LRRTM4: variants seen among roughly 807,000 people sequenced by gnomAD.
LRRTM4 encodes leucine-rich repeat transmembrane neuronal protein 4.
A neutral mutation model predicts 47.6 loss-of-function variants in LRRTM4; 25 were observed. That is an observed-to-expected ratio of 0.53 (90% CI 0.38 to 0.73). The LOEUF (loss-of-function observed/expected upper bound fraction) is 0.73. Among genes scored for constraint, LRRTM4 ranks in the 30% least tolerant of loss-of-function variants. The pLI, the probability that LRRTM4 is intolerant of heterozygous loss-of-function variation, is 0.00. For missense variants in LRRTM4, 638 were observed against 713.4 expected (o/e 0.89, Z 1.20); for synonymous variants, 311 against 269.5 (o/e 1.15, Z -1.51).
At chr2:76,947,560 A>G (rs1160082073) in intron 3 of LRRTM4, among the ~76,000 whole-genome samples, 1 of 151,812 alleles carries the variant, frequency 6.6e-6, no homozygotes, top group Non-Finnish European at 1.5e-5. Flanking sequence ...CATCTTATCT[A>G]ACCCTTTTTT....
intron 3 of LRRTM4, among the ~76,000 whole-genome samples, chr2:76,870,334 C>T (rs1672587284): frequency 6.6e-6 from 1 of 152,106 alleles, no homozygotes; most frequent in African/African-American, 2.4e-5. Flanking sequence ...CTACAACCCT[C>T]CCTGGCATCT....
intron 3 of LRRTM4, among the ~76,000 whole-genome samples, chr2:77,463,439 A>G (rs768620474): frequency 2.6e-5 from 4 of 152,198 alleles, no homozygotes; most frequent in Non-Finnish European, 4.4e-5. Context: ...TACCCAGTAA[A>G]TCAAAATTTT....
intron 3 of LRRTM4, among the ~76,000 whole-genome samples, chr2:77,487,486 C>T (rs890802369): frequency 2.6e-4 from 40 of 152,190 alleles, no homozygotes; most frequent in Non-Finnish European, 5.0e-4. Flanking sequence ...TGGATTCCCA[C>T]GAACGCAGGA....
intron 3 of LRRTM4, among the ~76,000 whole-genome samples, chr2:76,783,634 AAATT>A (rs1558650312): frequency 6.6e-6 from 1 of 152,148 alleles, no homozygotes; most frequent in Admixed American, 6.5e-5. Flanking sequence ...CTAAACAAGG[AAATT>A]AATTGATTTA....
At chr2:76,992,919 G>A (rs1677061857) in intron 3 of LRRTM4, among the ~76,000 whole-genome samples, 1 of 149,800 alleles carries the variant, frequency 6.7e-6, no homozygotes, top group African/African-American at 2.4e-5. Context: ...CTGGTACAAA[G>A]AGAGACACTT....
chr2:77,516,825 CT>C (rs2104118463), intron 3 of LRRTM4: 1 of 983,896 alleles, frequency 1.0e-6, no homozygotes, highest in East Asian at 1.1e-4. Flanking sequence ...CCAAATTGTA[CT>C]GAGTTAGAGA....
intron 3 of LRRTM4, among the ~76,000 whole-genome samples, chr2:76,884,934 A>G (rs982503214): frequency 2.0e-5 from 3 of 152,276 alleles, no homozygotes; most frequent in African/African-American, 7.2e-5. Context: ...TTATGCCTTC[A>G]AAATGTTTTT....
intron 3 of LRRTM4, among the ~76,000 whole-genome samples, chr2:77,390,776 T>C (rs1013418423): frequency 2.0e-5 from 3 of 151,732 alleles, no homozygotes; most frequent in Non-Finnish European, 4.4e-5. Flanking sequence ...AAATAACTTA[T>C]TTTCATAAGT....
intron 3 of LRRTM4, among the ~76,000 whole-genome samples, chr2:76,906,394 G>C (rs1673840511): frequency 6.6e-6 from 1 of 152,046 alleles, no homozygotes; most frequent in South Asian, 2.1e-4. Context: ...GCAAAGTCAT[G>C]CCAAATTGTA....
chr2:77,211,259 C>A (rs56231027), intron 3 of LRRTM4, among the ~76,000 whole-genome samples: 9,393 of 152,136 alleles, frequency 0.062, 472 homozygotes, highest in East Asian at 0.32. Flanking sequence ...CCTGGAGGAG[C>A]TGGAAGGACA....
intron 3 of LRRTM4, among the ~76,000 whole-genome samples, chr2:76,959,737 A>ATAGG (rs1243766553): frequency 7.9e-5 from 12 of 151,672 alleles, no homozygotes. Flanking sequence ...CTCTAACTTG[A>ATAGG]TAGGCTGTGG....
intron 3 of LRRTM4, among the ~76,000 whole-genome samples, chr2:77,445,996 T>C (rs1001744830): frequency 2.6e-5 from 4 of 152,024 alleles, no homozygotes; most frequent in Non-Finnish European, 5.9e-5. Context: ...GTAATCATAA[T>C]GCAAAAAATA....
chr2:77,235,638 A>G (rs1675085376), intron 3 of LRRTM4, among the ~76,000 whole-genome samples: 1 of 152,158 alleles, frequency 6.6e-6, no homozygotes, highest in African/African-American at 2.4e-5. Context: ...TGGGATTCTC[A>G]TAGATGGAGT....
In LRRTM4 at chr2:77,518,837, G is replaced by A. The variant is rs1679348811; in HGVS notation, c.1032C>T (p.His344=). The change falls in exon 3 of 4, where the codon CAC becomes CAT. Residue 344 remains histidine (H), a synonymous_variant. Transcript: ENST00000409884. The stretch of plus-strand genomic sequence containing the variant: ...CATCACTAACCTTTTCACCCTGGAT[G>A]TGCTTAGGTCCCGCACATATCATGG... ...ESTMICAGPK[H]IQGEKVSDAV... 6.2e-7 allele frequency: 1 copy of A among 1,609,760 alleles called. No individual in the cohort carries two copies. The highest frequency in any genetic ancestry group is 1.1e-5 in the South Asian group (1 of 90,600).
At chr2:77,473,498 C>T (rs150662612) in intron 3 of LRRTM4, among the ~76,000 whole-genome samples, 72 of 151,982 alleles carry the variant, frequency 4.7e-4, no homozygotes, top group African/African-American at 1.7e-3. Context: ...CTTTTTTTCC[C>T]CCTTTCTAGA....
chr2:77,440,246 CT>C (rs1675784948), intron 3 of LRRTM4, among the ~76,000 whole-genome samples: 1 of 152,102 alleles, frequency 6.6e-6, no homozygotes, highest in African/African-American at 2.4e-5. Flanking sequence ...GAACCCGTCT[CT>C]ACTAAAAATA....
intron 3 of LRRTM4, among the ~76,000 whole-genome samples, chr2:76,821,211 C>G (rs541306497): frequency 6.6e-6 from 1 of 151,688 alleles, no homozygotes; most frequent in East Asian, 1.9e-4. Context: ...AAAGCCAAAA[C>G]TTTTATGGAT....
chr2:76,992,900 A>G (rs72823159), intron 3 of LRRTM4, among the ~76,000 whole-genome samples: 3,453 of 151,950 alleles, frequency 0.023, 78 homozygotes, highest in East Asian at 0.081. Context: ...TAACCAAAAC[A>G]GCATGGTACT....
intron 3 of LRRTM4, among the ~76,000 whole-genome samples, chr2:77,467,917 T>G (rs1677041269): frequency 6.6e-6 from 1 of 152,206 alleles, no homozygotes; most frequent in Non-Finnish European, 1.5e-5. Context: ...ATTTGTCTTT[T>G]TTCCCCTAGT....
Sources: gnomAD v4.1 joint callset for allele counts (sites outside exome capture counted in the v4.1 genomes callset) on GRCh38, gnomAD v4.1.1 for gene constraint, MANE v1.5 for transcripts, NCBI Gene and HGNC (gene_info 2026-07-23, HGNC 2026-07-21) for gene names.